LIFR: variants seen among roughly 807,000 people sequenced by gnomAD.
The protein encoded by LIFR is LIF receptor subunit alpha.
LIFR carries 84 observed loss-of-function variants against 122.2 expected under a neutral mutation model. That is an observed-to-expected ratio of 0.69 (90% CI 0.58 to 0.82). The LOEUF is 0.82. Ranked by LOEUF, LIFR falls within the 40% of genes least tolerant of loss-of-function variation. The pLI is 0.00. For synonymous variants in LIFR, 422 were observed against 434.7 expected (o/e 0.97, Z 0.36); for missense variants, 1,294 against 1,311.6 (o/e 0.99, Z 0.21).
intron 1 of LIFR, among the ~76,000 whole-genome samples, chr5:38,584,132 A>T (rs986017420): frequency 6.6e-6 from 1 of 152,166 alleles, no homozygotes; most frequent in African/African-American, 2.4e-5. Flanking sequence ...ACACCATCTC[A>T]TACTCATTAG....
At chr5:38,497,731 AATC>A (rs1447966928) in intron 12 of LIFR, among the ~76,000 whole-genome samples, 1 of 152,180 alleles carries the variant, frequency 6.6e-6, no homozygotes, top group African/African-American at 2.4e-5. Context: ...ACATTGTTTT[AATC>A]ATATTACACC....
intron 1 of LIFR, among the ~76,000 whole-genome samples, chr5:38,534,308 T>C (rs1182314758): frequency 6.6e-6 from 1 of 152,188 alleles, no homozygotes; most frequent in Non-Finnish European, 1.5e-5. Context: ...TAGACTCCAT[T>C]GTGTTATTGA....
intron 1 of LIFR, among the ~76,000 whole-genome samples, chr5:38,534,185 T>A (rs1398416109): frequency 1.3e-5 from 2 of 152,196 alleles, no homozygotes; most frequent in Non-Finnish European, 2.9e-5. Context: ...GTTTAAAAAC[T>A]TTGACCAGCA....
intron 5 of LIFR, among the ~76,000 whole-genome samples, chr5:38,513,919 AAG>A (rs1338061364): frequency 1.3e-5 from 2 of 152,152 alleles, no homozygotes; most frequent in Non-Finnish European, 2.9e-5. Context: ...AGAAAAGAAA[AAG>A]AAAAAATGTG....
In LIFR at chr5:38,542,939, CT is replaced by C. The variant is rs146147144; in HGVS notation, c.-19-12274del. On this transcript the variant is annotated intron_variant, in intron 1 of 19. Transcript: ENST00000453190. ...ATATAGCAATGATTTATAAAACCAT[CT>C]TTCTCACCAAACTGAGCACAATGAA... Among the ~76,000 whole-genome samples, 1,508 of 151,638 alleles carry C rather than the reference CT, an allele frequency of 9.9e-3. 19 individuals are homozygous for C. Among genetic ancestry groups the C allele is most frequent in the African/African-American group, 0.035 (1,448 of 40,974 alleles).
intron 1 of LIFR, among the ~76,000 whole-genome samples, chr5:38,552,016 C>G (rs976704264): frequency 6.6e-6 from 1 of 152,168 alleles, no homozygotes. Flanking sequence ...TGTTTCTACT[C>G]TTTTACTGAA....
chr5:38,570,929 A>G (rs1749189246), intron 1 of LIFR, among the ~76,000 whole-genome samples: 1 of 152,222 alleles, frequency 6.6e-6, no homozygotes, highest in African/African-American at 2.4e-5. Context: ...TACCATAATT[A>G]TTCATTCGTT....
chr5:38,529,681 G>A (rs951565319), intron 2 of LIFR, among the ~76,000 whole-genome samples: 79 of 151,920 alleles, frequency 5.2e-4, no homozygotes, highest in Non-Finnish European at 6.0e-4. Flanking sequence ...GGGAAACAAG[G>A]GGAAAAGGCA....
At chr5:38,587,572 T>G (rs1749791276) in intron 1 of LIFR, among the ~76,000 whole-genome samples, 1 of 151,850 alleles carries the variant, frequency 6.6e-6, no homozygotes, top group Non-Finnish European at 1.5e-5. Context: ...GTGGGCCACA[T>G]TTGGAACTTT....
At chr5:38,506,751 A>G in intron 7 of LIFR, 119 bp from the exon 8 acceptor site, 1 of 862,668 alleles carries the variant, frequency 1.2e-6, no homozygotes, top group Admixed American at 2.2e-5. Flanking sequence ...TACTATTTAC[A>G]TTTTACTTTT....
rs1331851591 is a variant in LIFR at position 38,477,550 on chromosome 5, A to C, written c.*4045T>G. ...ACATGCCCCAGTTGCACACCCATCA[A>C]AGAAGAAGAAATTATGAACACTTAA... On this transcript the variant is annotated 3_prime_UTR_variant, in exon 20 of 20. Transcript: ENST00000453190. 4.6e-6 allele frequency: 1 copy of C among 215,568 alleles called. No individual in the cohort carries two copies. Among genetic ancestry groups the C allele is most frequent in the Non-Finnish European group, 9.3e-6 (1 of 107,070 alleles). The allele number at this position is 215,568 out of a possible 1,614,324, so 13.4% of individuals were successfully genotyped here. A position where few individuals can be genotyped will look rare whatever the true frequency, so the allele number is the denominator to read the frequency against.
chr5:38,527,038 C>G, intron 4 of LIFR, 117 bp downstream of exon 4: 1 of 903,212 alleles, frequency 1.1e-6, no homozygotes, highest in Non-Finnish European at 1.7e-6. Context: ...AGGGAGGTTG[C>G]TGAGTGAATT....
rs960892996 is a variant in LIFR, at chr5:38,512,631, T to A, written c.562-667A>T. Among the ~76,000 whole-genome samples the A allele has an allele frequency of 3.9e-5, 6 of 151,950 alleles. No homozygotes were observed. In the South Asian group the frequency reaches 1.2e-3, roughly 32 times the overall value. On this transcript the variant is annotated intron_variant, in intron 5 of 19. Coordinates refer to ENST00000453190, the MANE Select transcript of LIFR (RefSeq NM_001127671.2). ...CTCCAGCCTGGGTGGCAGAATGATA[T>A]CCTGTCTAAAAACAACAAAAAATAA...
At chr5:38,517,961 A>C (rs2112524652) in intron 5 of LIFR, among the ~76,000 whole-genome samples, 1 of 147,872 alleles carries the variant, frequency 6.8e-6, no homozygotes, top group East Asian at 1.9e-4. Flanking sequence ...AAAAACAAAC[A>C]AAAAAAAACA....
chr5:38,595,693 T>TAGTATTAG (rs1750075924), upstream of LIFR, among the ~76,000 whole-genome samples: 2 of 151,414 alleles, frequency 1.3e-5, no homozygotes, highest in South Asian at 4.2e-4. Flanking sequence ...TCTAACCTTC[T>TAGTATTAG]AGTATTAGAG....
At chr5:38,569,975 G>T (rs1749156794) in intron 1 of LIFR, among the ~76,000 whole-genome samples, 1 of 152,062 alleles carries the variant, frequency 6.6e-6, no homozygotes, top group Non-Finnish European at 1.5e-5. Context: ...ATAAGTGTTA[G>T]TTGACTTAGT....
Position 38,474,668 on chromosome 5 carries a change from T to C in LIFR, c.*6927A>G, listed in dbSNP as rs1277244269. 6.6e-6 allele frequency among the ~76,000 whole-genome samples: 1 copy of C among 150,702 alleles called. No homozygotes were observed. The highest frequency in any genetic ancestry group is 1.9e-4 in the East Asian group (1 of 5,202). On this transcript the variant is annotated 3_prime_UTR_variant, in exon 20 of 20. Coordinates refer to ENST00000453190, the MANE Select transcript of LIFR (RefSeq NM_001127671.2). ...TTCAGAGGACATAAACTAAAAACCATTACTTTAAAGACCAGTATTTATTAT... is the reference window on the plus strand; with the variant it reads ...TTCAGAGGACATAAACTAAAAACCACTACTTTAAAGACCAGTATTTATTAT...
intron 1 of LIFR, among the ~76,000 whole-genome samples, chr5:38,581,907 T>C (rs1213504116): frequency 1.3e-5 from 2 of 152,168 alleles, no homozygotes; most frequent in Admixed American, 1.3e-4. Flanking sequence ...TTTTCCCCAT[T>C]CTTCAAACCT....
At chr5:38,483,438 T>C (rs948596428) in intron 18 of LIFR, among the ~76,000 whole-genome samples, 14 of 152,164 alleles carry the variant, frequency 9.2e-5, no homozygotes, top group Non-Finnish European at 1.2e-4. Flanking sequence ...TTTTGGTTTT[T>C]TTGAGACAGA....
Sources: gnomAD v4.1 joint callset for allele counts (sites outside exome capture counted in the v4.1 genomes callset) on GRCh38, gnomAD v4.1.1 for gene constraint, MANE v1.5 for transcripts, NCBI Gene and HGNC (gene_info 2026-07-23, HGNC 2026-07-21) for gene names.